ACSS3: variants seen among roughly 807,000 people sequenced by gnomAD.
The protein encoded by ACSS3 is acyl-CoA synthetase short-chain family member 3, mitochondrial.
Under a neutral mutation model 84.2 loss-of-function variants are expected in ACSS3, and 64 were observed. The observed-to-expected ratio is 0.76, with a 90% CI of 0.62 to 0.94. The LOEUF is 0.94. ACSS3 is among the 40% of genes least tolerant of loss of function. ACSS3 has a pLI of 0.00. For synonymous variants in ACSS3, 317 were observed against 310.1 expected, an observed-to-expected ratio of 1.02 and a Z score of -0.23; for missense variants, 815 against 867.6, an observed-to-expected ratio of 0.94 and a Z score of 0.76.
At chr12:81,107,509 T>TACACACACAC (rs199987577) in intron 1 of ACSS3, among the ~76,000 whole-genome samples, 2 of 29,950 alleles carry the variant, frequency 6.7e-5, no homozygotes, top group Admixed American at 3.8e-4. Flanking sequence ...TACAAATATA[T>TACACACACAC]ACATATATAT....
intron 8 of ACSS3, among the ~76,000 whole-genome samples, chr12:81,193,401 T>G (rs1324798334): frequency 6.6e-6 from 1 of 152,136 alleles, no homozygotes; most frequent in Non-Finnish European, 1.5e-5. Context: ...TTTAGCTTTT[T>G]ATTCATTTCT....
At chr12:81,212,385 G>A (rs2032629510) in intron 9 of ACSS3, among the ~76,000 whole-genome samples, 1 of 152,136 alleles carries the variant, frequency 6.6e-6, no homozygotes, top group Non-Finnish European at 1.5e-5. Context: ...GGGGGACTGG[G>A]CTCACTTCCT....
chr12:81,240,033 T>C (rs935858450), intron 13 of ACSS3, among the ~76,000 whole-genome samples: 1 of 151,980 alleles, frequency 6.6e-6, no homozygotes, highest in Non-Finnish European at 1.5e-5. Context: ...TTTTTTCTTA[T>C]TCTTAATTAT....
chr12:81,239,371 A>T (rs1334598310), intron 13 of ACSS3, among the ~76,000 whole-genome samples: 4 of 152,026 alleles, frequency 2.6e-5, no homozygotes, highest in Admixed American at 6.6e-5. Flanking sequence ...CATAAATCAG[A>T]TATTTAGTTC....
intron 4 of ACSS3, among the ~76,000 whole-genome samples, chr12:81,139,795 C>T (rs1392766384): frequency 6.6e-6 from 1 of 151,454 alleles, no homozygotes; most frequent in Non-Finnish European, 1.5e-5. Context: ...GCCACCACAC[C>T]CGGCTAATTT....
Position 81,256,654 on chromosome 12 carries a change from A to G in ACSS3, c.*1732A>G, listed in dbSNP as rs1401586903. On this transcript the variant is annotated 3_prime_UTR_variant, in exon 16 of 16. Coordinates refer to ENST00000548058, the MANE Select transcript of ACSS3 (RefSeq NM_024560.4). Reference sequence around the variant, plus strand: ...TATGTGAGAGATAAATAGATAATAGAAAGTTTATTGTTATAAAAATGACCT... The same window carrying G: ...TATGTGAGAGATAAATAGATAATAGGAAGTTTATTGTTATAAAAATGACCT... 2 of 152,204 alleles carry G rather than the reference A, an allele frequency of 1.3e-5. No individual in the cohort carries two copies. Among genetic ancestry groups the G allele is most frequent in the Non-Finnish European group, 2.9e-5 (2 of 68,026 alleles). The allele number at this position is 152,204 out of a possible 1,614,324, so 9.4% of individuals were successfully genotyped here. A position where few individuals can be genotyped will look rare whatever the true frequency, so the allele number is the denominator to read the frequency against.
chr12:81,100,798 TGGCAGGGA>T (rs1383848235), intron 1 of ACSS3, among the ~76,000 whole-genome samples: 3 of 152,200 alleles, frequency 2.0e-5, no homozygotes, highest in Non-Finnish European at 4.4e-5. Flanking sequence ...CAGGCTTTTG[TGGCAGGGA>T]GGCAGGGAGG....
intron 13 of ACSS3, among the ~76,000 whole-genome samples, chr12:81,245,385 C>T (rs146749221): frequency 3.2e-3 from 495 of 152,326 alleles, no homozygotes; most frequent in African/African-American, 8.8e-3. Context: ...TGGCGTGAAC[C>T]CGCAAGGCGG....
At position 81,151,876 on chromosome 12, in the gene ACSS3, C is replaced by G; in HGVS notation, c.954C>G (p.Val318=). ...GVIRPTGGYA[V]MLHWSMSSIY... Reference sequence around the variant, plus strand: ...TTAGGCCCACTGGGGGATACGCTGTCATGCTACACTGGTCAATGTCTTCCA... The same window carrying G: ...TTAGGCCCACTGGGGGATACGCTGTGATGCTACACTGGTCAATGTCTTCCA... Residue 318 remains valine (V), a synonymous_variant, in exon 6 of 16, where the codon GTC becomes GTG. Transcript: ENST00000548058. The G allele has an allele frequency of 6.2e-7, 1 of 1,613,804 alleles. No homozygotes were observed. Among genetic ancestry groups the G allele is most frequent in the Non-Finnish European group, 8.5e-7 (1 of 1,179,826 alleles).
intron 2 of ACSS3, among the ~76,000 whole-genome samples, chr12:81,116,565 CT>C (rs969815156): frequency 4.2e-4 from 64 of 152,228 alleles, no homozygotes; most frequent in African/African-American, 1.4e-3. Flanking sequence ...GTCCAGAGCA[CT>C]TTGCTTACAC....
chr12:81,194,473 T>C (rs2031731397), intron 8 of ACSS3, among the ~76,000 whole-genome samples: 1 of 151,906 alleles, frequency 6.6e-6, no homozygotes, highest in African/African-American at 2.4e-5. Context: ...GTAAAGTCTT[T>C]GACATTTTTC....
At chr12:81,215,801 G>T (rs17302945) in intron 9 of ACSS3, among the ~76,000 whole-genome samples, 3,192 of 152,196 alleles carry the variant, frequency 0.021, 66 homozygotes, top group South Asian at 0.068. Flanking sequence ...GTTAATAAGT[G>T]CATCCCTCCA....
intron 7 of ACSS3, among the ~76,000 whole-genome samples, chr12:81,172,924 G>A (rs546029031): frequency 1.3e-5 from 2 of 152,242 alleles, no homozygotes; most frequent in Middle Eastern, 3.4e-3. Flanking sequence ...TTCAGTGGAG[G>A]TTAAATTATC....
rs111641450 is a variant in ACSS3 at position 81,083,358 on chromosome 12, C to CTTTTT, written c.311+4935_311+4939dup. 1.3e-3 allele frequency among the ~76,000 whole-genome samples: 187 copies of CTTTTT among 140,300 alleles called. 12 individuals are homozygous for CTTTTT. The highest frequency in any genetic ancestry group is 3.8e-3 in the Middle Eastern group (1 of 262). 92.0% of individuals were successfully genotyped at this position (140,300 alleles called of 152,430 possible). ...TCCTGTAAAAAATTCAGCTTTTGGTCTTTTTTTTTTTTCTTTTGAGACGGA... is the reference window on the plus strand; with the variant it reads ...TCCTGTAAAAAATTCAGCTTTTGGTCTTTTTTTTTTTTTTTTTCTTTTGAGACGGA... On this transcript the variant is annotated intron_variant, in intron 1 of 15. Transcript: ENST00000548058.
chr12:81,236,927 T>C (rs1593229472), intron 13 of ACSS3, among the ~76,000 whole-genome samples: 1 of 151,396 alleles, frequency 6.6e-6, no homozygotes, highest in Non-Finnish European at 1.5e-5. Context: ...TGAAAGCTAA[T>C]GGCAATTTTT....
At chr12:81,224,946 C>G (rs1921068) in intron 11 of ACSS3, among the ~76,000 whole-genome samples, 101,491 of 151,702 alleles carry the variant, frequency 0.67, 34,397 homozygotes, top group Non-Finnish European at 0.73. Flanking sequence ...CACAATAGTA[C>G]TGATGCTGGC....
intron 9 of ACSS3, among the ~76,000 whole-genome samples, chr12:81,206,620 G>A (rs751187853): frequency 2.6e-5 from 4 of 152,024 alleles, no homozygotes; most frequent in Admixed American, 2.0e-4. Flanking sequence ...GCATCCATCT[G>A]GTGAGAGAGA....
At chr12:81,105,092 C>T (rs1353370834) in intron 1 of ACSS3, among the ~76,000 whole-genome samples, 1 of 152,078 alleles carries the variant, frequency 6.6e-6, no homozygotes, top group Admixed American at 6.6e-5. Flanking sequence ...ATGCGTTATG[C>T]AGAATCAGGA....
chr12:81,224,019 G>A (rs141470316), intron 11 of ACSS3, among the ~76,000 whole-genome samples: 2 of 152,070 alleles, frequency 1.3e-5, no homozygotes, highest in African/African-American at 4.8e-5. Context: ...TGTCACTGCT[G>A]CCTCAATTAT....
Sources: gnomAD v4.1 joint callset for allele counts (sites outside exome capture counted in the v4.1 genomes callset) on GRCh38, gnomAD v4.1.1 for gene constraint, MANE v1.5 for transcripts, NCBI Gene and HGNC (gene_info 2026-07-23, HGNC 2026-07-21) for gene names.